GDF6: variants seen among roughly 807,000 people sequenced by gnomAD.
The protein encoded by GDF6 is growth differentiation factor 6, also known as growth/differentiation factor 6.
In GDF6, 3 loss-of-function variants were observed where a neutral mutation model predicts 32.4. That is an observed-to-expected ratio of 0.09 (90% CI 0.04 to 0.24). The LOEUF (loss-of-function observed/expected upper bound fraction) is 0.24, where lower values mean the gene tolerates loss of function less well. Ranked by LOEUF, GDF6 falls within the 10% of genes least tolerant of loss-of-function variation. GDF6 has a pLI of 1.00. For missense variants in GDF6, 589 were observed against 637.9 expected (o/e 0.92, Z 0.83); for synonymous variants, 296 against 295.3 (o/e 1.00, Z -0.03).
chr8:96,147,799 G>T (rs539767294), intron 1 of GDF6, among the ~76,000 whole-genome samples: 77 of 152,326 alleles, frequency 5.1e-4, no homozygotes, highest in African/African-American at 1.7e-3. Context: ...TATAAGAAAA[G>T]GGGAAAAGAG....
chr8:96,150,311 C>T (rs745354713), intron 1 of GDF6, among the ~76,000 whole-genome samples: 1 of 152,276 alleles, frequency 6.6e-6, no homozygotes, highest in Non-Finnish European at 1.5e-5. Flanking sequence ...TCCGGTGGCA[C>T]AGGCCCCGCG....
chr8:96,149,953 C>T (rs986806816), intron 1 of GDF6, among the ~76,000 whole-genome samples: 1 of 152,224 alleles, frequency 6.6e-6, no homozygotes. Context: ...CACTCCAGCC[C>T]CAGAGCCTTC....
Position 96,155,790 on chromosome 8 carries a change from C to T in GDF6, c.406+4497G>A, listed in dbSNP as rs545580514. Among the ~76,000 whole-genome samples the T allele has an allele frequency of 8.5e-4, 129 of 152,344 alleles. 1 individual carries two copies. The highest frequency in any genetic ancestry group is 1.3e-3 in the Non-Finnish European group (86 of 68,040). On this transcript the variant is annotated intron_variant, in intron 1 of 1. Transcript: ENST00000287020. ...ATTAACAGTTGTGAATTCCCTCCGT[C>T]CCCATTAAAATACTTCCCTGCTTAT... is the stretch of plus-strand genomic sequence containing the variant.
Position 96,145,511 on chromosome 8 carries a change from G to A in GDF6, c.420C>T (p.His140=), listed in dbSNP as rs375769410. Residue 140 remains histidine (H), a synonymous_variant, in exon 2 of 2, where the codon CAC becomes CAT. Coordinates refer to ENST00000287020, the MANE Select transcript of GDF6 (RefSeq NM_001001557.4). The surrounding 1 kb of genome is among the most constrained non-coding windows in gnomAD (Gnocchi z 5.6). ...AATACTTCTGTCTCCGGAGAGGAGT[G>A]TGCGAGAGATCGTCTGCGAGATAAA... The part of the protein sequence containing the change: ...FVDRGLDDLS[H]TPLRRQKYLF... The A allele has an allele frequency of 6.3e-7, 1 of 1,597,902 alleles. No individual in the cohort carries two copies. Among genetic ancestry groups the A allele is most frequent in the Non-Finnish European group, 8.5e-7 (1 of 1,179,590 alleles).
intron 1 of GDF6, among the ~76,000 whole-genome samples, chr8:96,149,680 G>C (rs1461729752): frequency 1.3e-5 from 2 of 152,224 alleles, no homozygotes; most frequent in East Asian, 3.8e-4. Flanking sequence ...AAGAAACCAA[G>C]AGAAGGAATG....
chr8:96,157,219 CT>C lies in GDF6; in HGVS notation c.406+3067del, dbSNP rs557920665. On this transcript the variant is annotated intron_variant, in intron 1 of 1. Coordinates refer to ENST00000287020, the MANE Select transcript of GDF6 (RefSeq NM_001001557.4). ...GACCTGTTTTAGGTTTGTTTGGTTT[CT>C]TTTTTTTTTCCCCAATAAGTTCTCC... 5.1e-4 allele frequency among the ~76,000 whole-genome samples: 76 copies of C among 150,136 alleles called. 1 individual carries two copies. Among genetic ancestry groups the C allele is most frequent in the Middle Eastern group, 3.4e-3 (1 of 290 alleles).
At position 96,145,715 on chromosome 8, in the gene GDF6, CCAGGACGG is replaced by C. The variant is rs1812468151; in HGVS notation, c.407-199_407-192del. ...TGCATGGCGCGGGGAAGGGGGCGCGCCAGGACGGGCCCCCTCCTTCGCGTCAGCTCCGG... is the reference window on the plus strand; with the variant it reads ...TGCATGGCGCGGGGAAGGGGGCGCGCGCCCCCTCCTTCGCGTCAGCTCCGG... On this transcript the variant is annotated intron_variant, in intron 1 of 1. Transcript: ENST00000287020. The surrounding 1 kb of genome is among the most constrained non-coding windows in gnomAD (Gnocchi z 5.6). Among the ~76,000 whole-genome samples the C allele has an allele frequency of 6.6e-6, 1 of 152,108 alleles. No homozygotes were observed. The highest frequency in any genetic ancestry group is 2.1e-4 in the South Asian group (1 of 4,826).
rs1812408992 is a variant in GDF6, at chr8:96,143,654, C to G, written c.*909G>C. 1 of 152,724 alleles carries G rather than the reference C, an allele frequency of 6.5e-6. No homozygotes were observed. Among genetic ancestry groups the G allele is most frequent in the African/African-American group, 2.4e-5 (1 of 41,464 alleles). 9.5% of individuals were successfully genotyped at this position (152,724 alleles called of 1,614,324 possible). The stretch of plus-strand genomic sequence containing the variant: ...GGGCATTTGGGTGGGCTACCTCCAG[C>G]CTGGGCTAATGCACCTCCGTGTCAG... On this transcript the variant is annotated 3_prime_UTR_variant, in exon 2 of 2. Coordinates refer to ENST00000287020, the MANE Select transcript of GDF6 (RefSeq NM_001001557.4).
At chr8:96,157,445 C>G (rs1042229882) in intron 1 of GDF6, among the ~76,000 whole-genome samples, 6 of 152,232 alleles carry the variant, frequency 3.9e-5, no homozygotes, top group Non-Finnish European at 8.8e-5. Context: ...TCGCCCATGC[C>G]TCCTGGACTG....
intron 1 of GDF6, among the ~76,000 whole-genome samples, chr8:96,147,903 C>T (rs1220933888): frequency 6.6e-6 from 1 of 152,192 alleles, no homozygotes; most frequent in African/African-American, 2.4e-5. Flanking sequence ...AGATGGTTTG[C>T]CACTGGCTGG....
At chr8:96,159,441 G>A (rs1047703972) in intron 1 of GDF6, among the ~76,000 whole-genome samples, 1 of 152,158 alleles carries the variant, frequency 6.6e-6, no homozygotes, top group Non-Finnish European at 1.5e-5. Flanking sequence ...ACATGCAGGC[G>A]TTCCCACAGA....
At chr8:96,146,752 C>T (rs1812492987) in intron 1 of GDF6, among the ~76,000 whole-genome samples, 1 of 149,530 alleles carries the variant, frequency 6.7e-6, no homozygotes, top group African/African-American at 2.6e-5. Flanking sequence ...ATCTCTCCTC[C>T]CACTCCCAAT....
chr8:96,160,141 C>G (rs1812735587), intron 1 of GDF6, 146 bp downstream of exon 1: 1 of 889,582 alleles, frequency 1.1e-6, no homozygotes, highest in African/African-American at 1.7e-5. Context: ...GAAACTTACT[C>G]GAGCTTGAGA....
chr8:96,144,561 C>T lies in GDF6; in HGVS notation c.*2G>A, dbSNP rs200117791. On this transcript the variant is annotated 3_prime_UTR_variant, in exon 2 of 2. Coordinates refer to ENST00000287020, the MANE Select transcript of GDF6 (RefSeq NM_001001557.4). This position sits in a 1 kb window ranked among gnomAD's most constrained non-coding sequence, Gnocchi z 5.1. ...CGGGCCAAGGCGGCGGGAAAGGCAC[C>T]GCTACCTGCAGCCGCACGACTCCAC... 5.6e-6 allele frequency: 9 copies of T among 1,613,320 alleles called. No homozygotes were observed. The African/African-American group carries it at 6.7e-5, about 12-fold the overall frequency.
intron 1 of GDF6, among the ~76,000 whole-genome samples, chr8:96,146,707 C>CAGAGAGAGAGAGAGAGAGAGAGAG (rs1554571546): frequency 5.0e-5 from 7 of 139,920 alleles, no homozygotes; most frequent in African/African-American, 2.0e-4. Flanking sequence ...CACACACACA[C>CAGAGAGAGAGAGAGAGAGAGAGAG]AGAGAGAGAG....
rs1463380452 is a variant in GDF6, at chr8:96,144,250, G to GAGAGAGAGAGAGAGAGAC, written c.*312_*313insGTCTCTCTCTCTCTCTCT. ...AAATCCAAAGCCACAGTAATAGAGA[G>GAGAGAGAGAGAGAGAGAC]AGAGAGAGAGAGAGAGAGAGAGAGA... On this transcript the variant is annotated 3_prime_UTR_variant, in exon 2 of 2. Transcript: ENST00000287020. The surrounding 1 kb of genome is among the most constrained non-coding windows in gnomAD (Gnocchi z 5.1). 3.7e-4 allele frequency: 85 copies of GAGAGAGAGAGAGAGAGAC among 228,246 alleles called. 1 individual carries two copies. Among genetic ancestry groups the GAGAGAGAGAGAGAGAGAC allele is most frequent in the African/African-American group, 2.5e-3 (83 of 33,636 alleles). 14.1% of individuals were successfully genotyped at this position (228,246 alleles called of 1,614,324 possible).
At chr8:96,154,373 C>A (rs574762527) in intron 1 of GDF6, among the ~76,000 whole-genome samples, 1 of 152,244 alleles carries the variant, frequency 6.6e-6, no homozygotes, top group Non-Finnish European at 1.5e-5. Flanking sequence ...CCCTCAGTCC[C>A]CAGCAATGCT....
Position 96,144,506 on chromosome 8 carries a change from T to C in GDF6, c.*57A>G, listed in dbSNP as rs113905230. ...CGCCTCTCTGCAGCCAGGCCTCCCC[T>C]GCAAGGCGGACCTTGGCCCACCTTG... On this transcript the variant is annotated 3_prime_UTR_variant, in exon 2 of 2. Transcript: ENST00000287020. The surrounding 1 kb of genome is among the most constrained non-coding windows in gnomAD (Gnocchi z 5.1). The C allele has an allele frequency of 3.1e-6, 5 of 1,593,784 alleles. No individual in the cohort carries two copies. The highest frequency in any genetic ancestry group is 4.3e-6 in the Non-Finnish European group (5 of 1,170,842).
At chr8:96,150,209 T>C (rs984356255) in intron 1 of GDF6, among the ~76,000 whole-genome samples, 1 of 152,136 alleles carries the variant, frequency 6.6e-6, no homozygotes, top group African/African-American at 2.4e-5. Context: ...TCCACGAGAT[T>C]CCTCCGCGCG....
Sources: allele counts gnomAD v4.1 joint callset (sites outside exome capture counted in the v4.1 genomes callset), GRCh38; gene constraint gnomAD v4.1.1; non-coding constraint Gnocchi (gnomAD v3.1); transcripts MANE v1.5; gene names NCBI Gene and HGNC (gene_info 2026-07-23, HGNC 2026-07-21).